Variants in CDRT4 observed in about 807,000 individuals in gnomAD.
The protein encoded by CDRT4 is CMT1A duplicated region transcript 4.
For missense variants in CDRT4, 167 were observed against 193.1 expected (o/e 0.87, Z 0.80); for synonymous variants, 64 against 69.6 (o/e 0.92, Z 0.40).
chr17:15,444,354 G>A (rs1033689617), intron 2 of CDRT4, among the ~76,000 whole-genome samples: 3 of 152,068 alleles, frequency 2.0e-5, no homozygotes, highest in Non-Finnish European at 2.9e-5. Context: ...GCAGCACATT[G>A]GAATTACTAG....
At chr17:15,452,007 C>T (rs2906979) in intron 2 of CDRT4, among the ~76,000 whole-genome samples, 34,075 of 152,128 alleles carry the variant, frequency 0.22, 7,403 homozygotes, top group African/African-American at 0.53. Flanking sequence ...TCCTGGAATC[C>T]CCAGGGATCG....
intron 2 of CDRT4, among the ~76,000 whole-genome samples, chr17:15,442,589 CT>C (rs1290885656): frequency 4.6e-5 from 7 of 152,176 alleles, no homozygotes; most frequent in Non-Finnish European, 8.8e-5. Flanking sequence ...AAAGCCCAGT[CT>C]TACAAACATT....
At chr17:15,457,813 C>T (rs79049587) in intron 1 of CDRT4, among the ~76,000 whole-genome samples, 2,005 of 152,248 alleles carry the variant, frequency 0.013, 40 homozygotes, top group African/African-American at 0.044. Context: ...AAGACAGGGA[C>T]GAGGCTAGGA....
At chr17:15,448,875 G>T (rs1979144522) in intron 2 of CDRT4, among the ~76,000 whole-genome samples, 1 of 152,132 alleles carries the variant, frequency 6.6e-6, no homozygotes, top group Non-Finnish European at 1.5e-5. Context: ...CATCACCGTG[G>T]CTTCTTCATT....
intron 3 of CDRT4, chr17:15,439,161 C>T (rs1978638463): frequency 2.2e-6 from 1 of 456,034 alleles, no homozygotes; most frequent in South Asian, 1.5e-5. Context: ...CCTCTGTGTT[C>T]TTATGTGGTG....
At position 15,437,793 on chromosome 17, in the gene CDRT4, G is replaced by A. The variant is rs748443857; in HGVS notation, c.439C>T (p.Leu147Phe). The part of the protein sequence containing the change: ...IFARKPMMRM[L>F]PTVRY ...GTTGGTCAGTAGCGAACTGTAGGGA[G>A]CATCCTCATCATAGGCTTGCGGGCA... Residue 147 changes from leucine (L) to phenylalanine (F), a missense_variant, in exon 4 of 4, where the codon CTC becomes TTC. Leu to Phe is a conservative substitution (Grantham distance 22, BLOSUM62 0). Coordinates refer to ENST00000619038, the MANE Select transcript of CDRT4 (RefSeq NM_001204477.2). The A allele has an allele frequency of 6.2e-7, 1 of 1,614,130 alleles. No homozygotes were observed. Among genetic ancestry groups the A allele is most frequent in the East Asian group, 2.2e-5 (1 of 44,878 alleles).
At chr17:15,453,369 T>TG (rs1979346737) in intron 1 of CDRT4, among the ~76,000 whole-genome samples, 1 of 152,142 alleles carries the variant, frequency 6.6e-6, no homozygotes, top group Non-Finnish European at 1.5e-5. Context: ...AAAATATGTG[T>TG]GGGTAACATG....
At chr17:15,458,689 T>G (rs1434066169) in intron 1 of CDRT4, among the ~76,000 whole-genome samples, 4 of 152,186 alleles carry the variant, frequency 2.6e-5, no homozygotes, top group African/African-American at 9.7e-5. Context: ...CACCGAAGGC[T>G]TATTAATCCA....
At chr17:15,445,096 G>A (rs1027904155) in intron 2 of CDRT4, among the ~76,000 whole-genome samples, 13 of 152,122 alleles carry the variant, frequency 8.5e-5, no homozygotes, top group East Asian at 1.9e-4. Context: ...GGCACAAATC[G>A]ACCCCACTCA....
Position 15,436,719 on chromosome 17 carries a change from C to A in CDRT4, c.*1054G>T, listed in dbSNP as rs766276720. On this transcript the variant is annotated 3_prime_UTR_variant, in exon 4 of 4. Transcript: ENST00000619038. ...GCAGGGGACACCCTGGTCCCCACTGCCACTTTGTTTGCCCTCCAAGGGAAA... is the reference window on the plus strand; with the variant it reads ...GCAGGGGACACCCTGGTCCCCACTGACACTTTGTTTGCCCTCCAAGGGAAA... 1.3e-5 allele frequency: 2 copies of A among 152,266 alleles called. No homozygotes were observed. Among genetic ancestry groups the A allele is most frequent in the Non-Finnish European group, 2.9e-5 (2 of 68,100 alleles). 9.4% of individuals were successfully genotyped at this position (152,266 alleles called of 1,614,324 possible).
intron 2 of CDRT4, among the ~76,000 whole-genome samples, chr17:15,442,358 C>A (rs1482100841): frequency 6.6e-6 from 1 of 151,114 alleles, no homozygotes; most frequent in Non-Finnish European, 1.5e-5. Flanking sequence ...TGCAGTGAAC[C>A]GGGATCGTGC....
Position 15,450,790 on chromosome 17 carries a change from T to C in CDRT4, c.-48+2214A>G, listed in dbSNP as rs1979226567. On this transcript the variant is annotated intron_variant, in intron 2 of 3. Coordinates refer to ENST00000619038, the MANE Select transcript of CDRT4 (RefSeq NM_001204477.2). This position sits in a 1 kb window ranked among gnomAD's most constrained non-coding sequence, Gnocchi z 4.2. ...AAACTCTTGACCTTACTCCATAAAA[T>C]GTTCCTCTCTGGTCTCTTCCATCTC... is the stretch of plus-strand genomic sequence containing the variant. Among the ~76,000 whole-genome samples, 1 of 152,206 alleles carries C rather than the reference T, an allele frequency of 6.6e-6. No homozygotes were observed. Among genetic ancestry groups the C allele is most frequent in the South Asian group, 2.1e-4 (1 of 4,838 alleles).
At chr17:15,445,918 C>G (rs1427155666) in intron 2 of CDRT4, among the ~76,000 whole-genome samples, 1 of 152,186 alleles carries the variant, frequency 6.6e-6, no homozygotes, top group Admixed American at 6.5e-5. Flanking sequence ...TGCAAACCCT[C>G]ATTTCACCTC....
rs1485203041 is a variant in CDRT4 at position 15,436,195 on chromosome 17, T to G, written c.*1578A>C. The stretch of plus-strand genomic sequence containing the variant: ...CCTAATTTAGGCAGCTGTCCCAACA[T>G]AAAAGCACAAGAGCCAGAGGTGAGT... On this transcript the variant is annotated 3_prime_UTR_variant, in exon 4 of 4. Coordinates refer to ENST00000619038, the MANE Select transcript of CDRT4 (RefSeq NM_001204477.2). 1.3e-5 allele frequency: 2 copies of G among 152,218 alleles called. No homozygotes were observed. Among genetic ancestry groups the G allele is most frequent in the Non-Finnish European group, 2.9e-5 (2 of 68,044 alleles). The allele number at this position is 152,218 out of a possible 1,614,324, so 9.4% of individuals were successfully genotyped here. A position where few individuals can be genotyped will look rare whatever the true frequency, so the allele number is the denominator to read the frequency against.
At chr17:15,443,775 G>C in intron 2 of CDRT4, 2 of 513,114 alleles carry the variant, frequency 3.9e-6, no homozygotes, top group Non-Finnish European at 7.6e-6. Context: ...TTCTCGGACA[G>C]AAAACAAAAA....
At chr17:15,442,167 T>TG (rs1978791904) in intron 2 of CDRT4, among the ~76,000 whole-genome samples, 2 of 152,142 alleles carry the variant, frequency 1.3e-5, no homozygotes, top group South Asian at 4.2e-4. Context: ...TCCCAGCACT[T>TG]TGGGAGACCA....
intron 1 of CDRT4, among the ~76,000 whole-genome samples, chr17:15,454,040 T>C (rs186210059): frequency 9.9e-5 from 15 of 152,118 alleles, no homozygotes; most frequent in Non-Finnish European, 2.1e-4. Context: ...CAGTCCAATG[T>C]TCAGGCTGGA....
At chr17:15,467,070 G>A (rs916862080) in intron 1 of CDRT4, among the ~76,000 whole-genome samples, 3 of 152,196 alleles carry the variant, frequency 2.0e-5, no homozygotes, top group Non-Finnish European at 2.9e-5. Flanking sequence ...CAGGGGATGG[G>A]GGGGAACGGG....
Position 15,466,053 on chromosome 17 carries a change from G to C in CDRT4, c.-130+1407C>G, listed in dbSNP as rs566739330. 2.0e-5 allele frequency among the ~76,000 whole-genome samples: 3 copies of C among 150,122 alleles called. No individual in the cohort carries two copies. In the East Asian group the frequency reaches 6.0e-4, roughly 30 times the overall value. ...AGGGAGAGAAAGGGAGGGAGAGGGA[G>C]GGAAAGGGAGGGGGAGGGAGGGCAG... On this transcript the variant is annotated intron_variant, in intron 1 of 3. Transcript: ENST00000619038.
Sources: allele counts gnomAD v4.1 joint callset (sites outside exome capture counted in the v4.1 genomes callset), GRCh38; gene constraint gnomAD v4.1.1; non-coding constraint Gnocchi (gnomAD v3.1); transcripts MANE v1.5; gene names NCBI Gene and HGNC (gene_info 2026-07-23, HGNC 2026-07-21).